EIPR1: variants seen among roughly 807,000 people sequenced by gnomAD.
The protein encoded by EIPR1 is EARP and GARP complex-interacting protein 1.
A neutral mutation model predicts 48.1 loss-of-function variants in EIPR1; 25 were observed. The observed-to-expected ratio is 0.52, with a 90% CI of 0.38 to 0.73. The LOEUF is 0.73. Ranked by LOEUF, EIPR1 falls within the 30% of genes least tolerant of loss-of-function variation. EIPR1 has a pLI of 0.00. For synonymous variants in EIPR1, 204 were observed against 201.9 expected (o/e 1.01, Z -0.09); for missense variants, 415 against 506.2 (o/e 0.82, Z 1.73).
intron 3 of EIPR1, among the ~76,000 whole-genome samples, chr2:3,265,633 C>T (rs1192196517): frequency 3.9e-5 from 6 of 152,278 alleles, no homozygotes; most frequent in East Asian, 3.9e-4. Context: ...GACTAGGAGC[C>T]GGCAGAGGGC....
chr2:3,264,365 G>A (rs563188086), intron 3 of EIPR1, among the ~76,000 whole-genome samples: 13 of 152,200 alleles, frequency 8.5e-5, no homozygotes, highest in African/African-American at 2.2e-4. Context: ...TTCTTTATCC[G>A]TTCATCCGGC....
chr2:3,295,311 TCCATCCA>T (rs1668524433), intron 3 of EIPR1, among the ~76,000 whole-genome samples: 1 of 84,566 alleles, frequency 1.2e-5, no homozygotes, highest in Non-Finnish European at 2.3e-5. Flanking sequence ...ACACACACCC[TCCATCCA>T]GCCCATCCTC....
intron 3 of EIPR1, among the ~76,000 whole-genome samples, chr2:3,265,366 A>G (rs1233969437): frequency 6.6e-6 from 1 of 152,242 alleles, no homozygotes; most frequent in African/African-American, 2.4e-5. Flanking sequence ...AGCACTAAGG[A>G]AGAAGCACCC....
chr2:3,269,697 T>C (rs1161846127), intron 3 of EIPR1, among the ~76,000 whole-genome samples: 2 of 140,414 alleles, frequency 1.4e-5, no homozygotes, highest in African/African-American at 2.7e-5. Flanking sequence ...CACTCAATCA[T>C]CACACTCAAT....
At chr2:3,209,805 C>T (rs1027020669) in intron 5 of EIPR1, among the ~76,000 whole-genome samples, 11 of 152,202 alleles carry the variant, frequency 7.2e-5, no homozygotes, top group Non-Finnish European at 1.5e-4. Flanking sequence ...AACTCTGTGA[C>T]ATCCTGGAAA....
intron 3 of EIPR1, among the ~76,000 whole-genome samples, chr2:3,280,734 G>A (rs1414103231): frequency 1.3e-5 from 2 of 152,184 alleles, no homozygotes; most frequent in Non-Finnish European, 2.9e-5. Context: ...GGCTCCTAGA[G>A]GTGATGGCAC....
intron 5 of EIPR1, among the ~76,000 whole-genome samples, chr2:3,199,071 C>CCCCCTCCT (rs1558216901): frequency 2.0e-5 from 1 of 50,410 alleles, no homozygotes; most frequent in African/African-American, 6.1e-5. Context: ...GCCCCCCCCC[C>CCCCCTCCT]GCCCCGGGAA....
At chr2:3,293,114 G>A (rs58031525) in intron 3 of EIPR1, among the ~76,000 whole-genome samples, 1 of 152,156 alleles carries the variant, frequency 6.6e-6, no homozygotes. Context: ...TTCCATCACA[G>A]AACAATCTCG....
intron 5 of EIPR1, among the ~76,000 whole-genome samples, chr2:3,198,074 G>C (rs1429392416): frequency 6.6e-6 from 1 of 152,254 alleles, no homozygotes; most frequent in Non-Finnish European, 1.5e-5. Flanking sequence ...GGTCCCCACA[G>C]AGTGAGTGCC....
At chr2:3,353,288 T>G (rs1430631459) in intron 2 of EIPR1, 1 of 471,106 alleles carries the variant, frequency 2.1e-6, no homozygotes, top group Non-Finnish European at 4.4e-6. Context: ...GCTCAATTTT[T>G]AGTCCTTTTT....
At chr2:3,255,131 G>A (rs1302549286) in intron 4 of EIPR1, among the ~76,000 whole-genome samples, 1 of 151,974 alleles carries the variant, frequency 6.6e-6, no homozygotes, top group Non-Finnish European at 1.5e-5. Flanking sequence ...GGCATTCCAA[G>A]GTAGATCTGA....
Position 3,312,371 on chromosome 2 carries a change from A to G in EIPR1, c.259+25646T>C, listed in dbSNP as rs1669155101. The stretch of plus-strand genomic sequence containing the variant: ...CATAAAATTGAGTTTCCTGGCAAAG[A>G]CAGTCCCTGGAAGGTTCTGTGTGCC... On this transcript the variant is annotated intron_variant, in intron 3 of 8. Transcript: ENST00000382125. The surrounding 1 kb of genome is among the most constrained non-coding windows in gnomAD (Gnocchi z 5.5). Among the ~76,000 whole-genome samples the G allele has an allele frequency of 6.6e-6, 1 of 152,140 alleles. No homozygotes were observed.
intron 4 of EIPR1, among the ~76,000 whole-genome samples, chr2:3,243,250 G>C (rs1207812865): frequency 6.6e-6 from 1 of 152,120 alleles, no homozygotes; most frequent in Non-Finnish European, 1.5e-5. Flanking sequence ...TTTTTGTGGA[G>C]ACTGACATCA....
chr2:3,364,246 GACA>G, intron 1 of EIPR1, among the ~76,000 whole-genome samples: 1 of 152,138 alleles, frequency 6.6e-6, no homozygotes, highest in Non-Finnish European at 1.5e-5. Flanking sequence ...CAATAGCCAA[GACA>G]TGGAATCAAC....
chr2:3,376,820 G>A (rs903624653), intron 1 of EIPR1, among the ~76,000 whole-genome samples: 1 of 152,116 alleles, frequency 6.6e-6, no homozygotes, highest in Non-Finnish European at 1.5e-5. Context: ...AGTGCTTTAG[G>A]CATAACACAT....
intron 4 of EIPR1, among the ~76,000 whole-genome samples, chr2:3,216,955 C>T (rs1413310905): frequency 2.0e-5 from 3 of 152,204 alleles, no homozygotes; most frequent in African/African-American, 7.2e-5. Flanking sequence ...TTTGAAGCTT[C>T]GAACACTGTG....
intron 1 of EIPR1, among the ~76,000 whole-genome samples, chr2:3,374,154 G>A (rs1374211059): frequency 1.3e-5 from 2 of 151,068 alleles, no homozygotes; most frequent in African/African-American, 2.4e-5. Flanking sequence ...AATAAATGGT[G>A]CTGGGAAAAC....
At chr2:3,230,171 G>A (rs2103165175) in intron 4 of EIPR1, among the ~76,000 whole-genome samples, 1 of 151,788 alleles carries the variant, frequency 6.6e-6, no homozygotes, top group South Asian at 2.1e-4. Context: ...ATTTGTAAAT[G>A]GAACTGTTTT....
chr2:3,216,450 T>C (rs904782556), intron 4 of EIPR1, among the ~76,000 whole-genome samples: 1 of 152,112 alleles, frequency 6.6e-6, no homozygotes, highest in Non-Finnish European at 1.5e-5. Context: ...ACCAAGACAC[T>C]TGGGGTTTTA....
Sources: gnomAD v4.1 joint callset for allele counts (sites outside exome capture counted in the v4.1 genomes callset) on GRCh38, gnomAD v4.1.1 for gene constraint, Gnocchi (gnomAD v3.1) non-coding constraint, MANE v1.5 for transcripts, NCBI Gene and HGNC (gene_info 2026-07-23, HGNC 2026-07-21) for gene names.